PLCG2: variants seen among roughly 807,000 people sequenced by gnomAD.
The protein encoded by PLCG2 is 1-phosphatidylinositol 4,5-bisphosphate phosphodiesterase gamma-2.
PLCG2 carries 69 observed loss-of-function variants against 175.6 expected under a neutral mutation model. The observed-to-expected ratio is 0.39, with a 90% CI of 0.32 to 0.48. The LOEUF is 0.48. PLCG2 is among the 20% of genes least tolerant of loss of function. PLCG2 has a pLI of 0.91. For synonymous variants in PLCG2, 827 were observed against 624.0 expected (o/e 1.33, Z -4.85); for missense variants, 1,798 against 1,650.9 (o/e 1.09, Z -1.54).
In PLCG2 at chr16:81,905,798, C is replaced by T. The variant is rs562170156; in HGVS notation, c.1467+291C>T. 9.9e-5 allele frequency among the ~76,000 whole-genome samples: 15 copies of T among 152,082 alleles called. 1 individual carries two copies. The highest frequency in any genetic ancestry group is 4.6e-4 in the Admixed American group (7 of 15,274). ...CTCAACCTCCCTGAGTCTCTGGGAC[C>T]ACACGTGCGCACCACCATGCCTGGC... On this transcript the variant is annotated intron_variant, in intron 15 of 32. Coordinates refer to ENST00000564138, the MANE Select transcript of PLCG2 (RefSeq NM_002661.5).
rs866001196 is a variant in PLCG2, at chr16:81,854,589, T to C, written c.337+2T>C. On this transcript the variant is annotated splice_donor_variant, in intron 3 of 32. Coordinates refer to ENST00000564138, the MANE Select transcript of PLCG2 (RefSeq NM_002661.5). LOFTEE classifies it high-confidence loss of function. The stretch of plus-strand genomic sequence containing the variant: ...TCCTCAGCACGCTCAGCTTGGCAGG[T>C]AGGTGCATGTTTCTGTGCCTTTCTC... 1.2e-6 allele frequency: 2 copies of C among 1,613,442 alleles called. No homozygotes were observed. Among genetic ancestry groups the C allele is most frequent in the Admixed American group, 1.7e-5 (1 of 59,996 alleles).
intron 5 of PLCG2, among the ~76,000 whole-genome samples, chr16:81,867,072 C>G (rs533027746): frequency 6.6e-6 from 1 of 152,292 alleles, no homozygotes; most frequent in East Asian, 1.9e-4. Flanking sequence ...AGCATCTTGT[C>G]ATTTGAAGTC....
chr16:81,925,509 G>C (rs1910226057), intron 22 of PLCG2, among the ~76,000 whole-genome samples: 1 of 152,158 alleles, frequency 6.6e-6, no homozygotes, highest in African/African-American at 2.4e-5. Context: ...TAGGTGAATT[G>C]GTAGCATCAG....
intron 2 of PLCG2, among the ~76,000 whole-genome samples, chr16:81,813,850 G>C (rs4587967): frequency 0.75 from 113,962 of 152,176 alleles, 42,967 homozygotes; most frequent in East Asian, 0.98. Flanking sequence ...GCTTCCAAGG[G>C]ACAGAAAGCA....
chr16:81,807,162 C>T (rs952861332), intron 2 of PLCG2, among the ~76,000 whole-genome samples: 2 of 152,124 alleles, frequency 1.3e-5, no homozygotes, highest in Admixed American at 6.5e-5. Flanking sequence ...TCTTGTTGAA[C>T]GTGGTGATTC....
At chr16:81,924,808 C>T (rs764867854) in intron 22 of PLCG2, among the ~76,000 whole-genome samples, 2 of 152,246 alleles carry the variant, frequency 1.3e-5, no homozygotes, top group Non-Finnish European at 2.9e-5. Flanking sequence ...GTTCCTACTG[C>T]AGCCTCTGAT....
At chr16:81,750,330 G>T (rs1016146245) in intron 1 of PLCG2, among the ~76,000 whole-genome samples, 2 of 147,512 alleles carry the variant, frequency 1.4e-5, no homozygotes, top group Admixed American at 1.4e-4. Context: ...TGAGACAGAA[G>T]AATCCCTTGA....
chr16:81,864,731 C>G lies in PLCG2; in HGVS notation c.480-4483C>G, dbSNP rs575933560. 1.1e-4 allele frequency among the ~76,000 whole-genome samples: 16 copies of G among 152,284 alleles called. No individual in the cohort carries two copies. In the South Asian group the frequency reaches 2.9e-3, roughly 28 times the overall value. Reference sequence around the variant, plus strand: ...GCCGGGGGCAGTGGAGGTGCCGGCCCAGCCTCAGCATGGCTGGTAAGTGTC... The same window carrying G: ...GCCGGGGGCAGTGGAGGTGCCGGCCGAGCCTCAGCATGGCTGGTAAGTGTC... On this transcript the variant is annotated intron_variant, in intron 5 of 32. Transcript: ENST00000564138.
intron 21 of PLCG2, among the ~76,000 whole-genome samples, chr16:81,922,000 G>T (rs1406766996): frequency 6.6e-6 from 1 of 152,208 alleles, no homozygotes; most frequent in African/African-American, 2.4e-5. Context: ...ACTTTTGTTA[G>T]TAGTGAAGGA....
intron 2 of PLCG2, among the ~76,000 whole-genome samples, chr16:81,765,958 G>A (rs532629354): frequency 4.8e-4 from 73 of 152,348 alleles, no homozygotes; most frequent in Middle Eastern, 6.8e-3. Flanking sequence ...AACAGATGCA[G>A]GCATTTGCTG....
intron 5 of PLCG2, among the ~76,000 whole-genome samples, chr16:81,865,876 G>A (rs559292375): frequency 3.6e-5 from 5 of 140,450 alleles, no homozygotes; most frequent in East Asian, 2.2e-4. Flanking sequence ...ACCAGCATGA[G>A]AGGACGCTGG....
intron 9 of PLCG2, among the ~76,000 whole-genome samples, chr16:81,888,703 A>C (rs1908490739): frequency 6.6e-6 from 1 of 152,198 alleles, no homozygotes; most frequent in Non-Finnish European, 1.5e-5. Context: ...CAACCCAGGT[A>C]AGTGACCTGG....
intron 16 of PLCG2, 43 bp downstream of exon 16, chr16:81,907,817 A>C (rs756934648): frequency 5.8e-5 from 83 of 1,437,728 alleles, no homozygotes; most frequent in East Asian, 3.5e-4. Flanking sequence ...GTCCCCAGGA[A>C]CCCCGAGGAC....
intron 2 of PLCG2, among the ~76,000 whole-genome samples, chr16:81,839,064 A>G (rs967554450): frequency 6.6e-6 from 1 of 152,174 alleles, no homozygotes; most frequent in African/African-American, 2.4e-5. Flanking sequence ...ATTTCTAGGT[A>G]GAATTTAATC....
At chr16:81,898,940 T>A (rs1909016509) in intron 13 of PLCG2, among the ~76,000 whole-genome samples, 1 of 150,878 alleles carries the variant, frequency 6.6e-6, no homozygotes, top group African/African-American at 2.5e-5. Context: ...ATCCCAGCAC[T>A]TTCGGAGGCT....
chr16:81,931,936 A>G (rs1029828598), intron 25 of PLCG2, among the ~76,000 whole-genome samples: 3 of 152,186 alleles, frequency 2.0e-5, no homozygotes, highest in East Asian at 1.9e-4. Context: ...TTGCGGCCCT[A>G]CATATCTTAC....
intron 31 of PLCG2, among the ~76,000 whole-genome samples, chr16:81,947,816 A>G (rs1911208685): frequency 6.6e-6 from 1 of 152,178 alleles, no homozygotes; most frequent in South Asian, 2.1e-4. Flanking sequence ...ACTGTATTTT[A>G]TTTAAGATGT....
chr16:81,957,200 G>T (rs1196956592), intron 32 of PLCG2, among the ~76,000 whole-genome samples: 1 of 152,158 alleles, frequency 6.6e-6, no homozygotes, highest in Admixed American at 6.5e-5. Context: ...TTGGGAGGCT[G>T]AGGCAGGAGA....
At chr16:81,786,278 G>T in intron 2 of PLCG2, 96 bp downstream of exon 2, 1 of 1,023,204 alleles carries the variant, frequency 9.8e-7, no homozygotes, top group Non-Finnish European at 1.4e-6. Context: ...TGTGATTGTT[G>T]TTGGTTTGAT....
Sources: gnomAD v4.1 joint callset for allele counts (sites outside exome capture counted in the v4.1 genomes callset) on GRCh38, gnomAD v4.1.1 for gene constraint, MANE v1.5 for transcripts, NCBI Gene and HGNC (gene_info 2026-07-23, HGNC 2026-07-21) for gene names.